Variants in COL8A1 observed in about 807,000 individuals in gnomAD.
COL8A1 encodes collagen alpha-1(VIII) chain.
A neutral mutation model predicts 42.7 loss-of-function variants in COL8A1; 21 were observed. The ratio of observed to expected loss-of-function variants is 0.49; its 90% CI spans 0.35 to 0.71. The LOEUF (loss-of-function observed/expected upper bound fraction) is 0.71. Ranked by LOEUF, COL8A1 falls within the 30% of genes least tolerant of loss-of-function variation. The pLI, the probability that COL8A1 is intolerant of heterozygous loss-of-function variation, is 0.01. For missense variants in COL8A1, 788 were observed against 962.4 expected (o/e 0.82, Z 2.40); for synonymous variants, 367 against 369.1 (o/e 0.99, Z 0.06).
intron 1 of COL8A1, among the ~76,000 whole-genome samples, chr3:99,740,461 A>G (rs1167371822): frequency 6.6e-6 from 1 of 152,184 alleles, no homozygotes; most frequent in African/African-American, 2.4e-5. Context: ...ACTTACCATC[A>G]TGGCGGAATG....
At chr3:99,732,338 T>G (rs1224666222) in intron 1 of COL8A1, among the ~76,000 whole-genome samples, 3 of 152,096 alleles carry the variant, frequency 2.0e-5, no homozygotes, top group Non-Finnish European at 4.4e-5. Flanking sequence ...TACCCAAGAC[T>G]TGGTAATTTA....
intron 1 of COL8A1, among the ~76,000 whole-genome samples, chr3:99,659,798 C>T (rs902542126): frequency 1.3e-5 from 2 of 152,124 alleles, no homozygotes; most frequent in African/African-American, 2.4e-5. Context: ...TGTTTATCTG[C>T]TATTATTTAT....
At chr3:99,712,525 G>T (rs1031022645) in intron 1 of COL8A1, among the ~76,000 whole-genome samples, 3 of 152,124 alleles carry the variant, frequency 2.0e-5, no homozygotes, top group South Asian at 2.1e-4. Flanking sequence ...GGCAGCTGAG[G>T]ATGCCTAACA....
intron 3 of COL8A1, among the ~76,000 whole-genome samples, 183 bp downstream of exon 3, chr3:99,791,193 A>G (rs1941993685): frequency 6.6e-6 from 1 of 152,234 alleles, no homozygotes; most frequent in Non-Finnish European, 1.5e-5. Flanking sequence ...CACAGATAAG[A>G]CTACCATTTA....
intron 2 of COL8A1, among the ~76,000 whole-genome samples, chr3:99,786,974 A>G (rs1453917786): frequency 6.6e-6 from 1 of 152,178 alleles, no homozygotes; most frequent in Non-Finnish European, 1.5e-5. Flanking sequence ...GGAGGCACAG[A>G]GGACCAGCCC....
At chr3:99,789,970 T>C (rs556424878) in intron 2 of COL8A1, among the ~76,000 whole-genome samples, 74 of 152,338 alleles carry the variant, frequency 4.9e-4, no homozygotes, top group African/African-American at 1.7e-3. Flanking sequence ...TTCTGCAGGC[T>C]TTGTTCCTGT....
At chr3:99,758,060 C>A (rs1213927646) in intron 2 of COL8A1, among the ~76,000 whole-genome samples, 1 of 152,118 alleles carries the variant, frequency 6.6e-6, no homozygotes, top group African/African-American at 2.4e-5. Context: ...TTGCATCAAG[C>A]TCATAGTAGA....
intron 1 of COL8A1, among the ~76,000 whole-genome samples, chr3:99,708,778 G>A (rs1317520683): frequency 2.6e-5 from 4 of 152,186 alleles, no homozygotes; most frequent in East Asian, 3.9e-4. Context: ...GCTTATAAAG[G>A]CATTTTCCAA....
At chr3:99,758,188 A>G (rs778234341) in intron 2 of COL8A1, among the ~76,000 whole-genome samples, 45 of 152,200 alleles carry the variant, frequency 3.0e-4, no homozygotes, top group Non-Finnish European at 5.1e-4. Context: ...ATCGGCTTAC[A>G]AGTAGAATGT....
intron 1 of COL8A1, among the ~76,000 whole-genome samples, chr3:99,712,697 G>A (rs1939874077): frequency 6.6e-6 from 1 of 152,072 alleles, no homozygotes; most frequent in Admixed American, 6.6e-5. Context: ...CTTAGTCTAA[G>A]GAAGAAATCC....
intron 1 of COL8A1, among the ~76,000 whole-genome samples, chr3:99,701,964 T>C (rs1239501718): frequency 6.6e-6 from 1 of 152,314 alleles, no homozygotes; most frequent in East Asian, 1.9e-4. Context: ...CATATTTTTG[T>C]TGTTCAGAAG....
At chr3:99,767,272 T>G (rs139641044) in intron 2 of COL8A1, among the ~76,000 whole-genome samples, 1 of 152,318 alleles carries the variant, frequency 6.6e-6, no homozygotes, top group African/African-American at 2.4e-5. Flanking sequence ...TTATTAATCT[T>G]AGAGCTCCTC....
chr3:99,661,705 A>G (rs1202421056), intron 1 of COL8A1, among the ~76,000 whole-genome samples: 2 of 152,242 alleles, frequency 1.3e-5, no homozygotes, highest in Non-Finnish European at 2.9e-5. Context: ...AGTAGCCAAA[A>G]GGTAGAAGCA....
chr3:99,662,820 A>G (rs961002866), intron 1 of COL8A1, among the ~76,000 whole-genome samples: 11 of 152,106 alleles, frequency 7.2e-5, no homozygotes, highest in Non-Finnish European at 2.9e-5. Context: ...CTCTGCCTTC[A>G]TCTTCACATG....
chr3:99,676,207 A>G (rs1938688267), intron 1 of COL8A1, among the ~76,000 whole-genome samples: 1 of 152,106 alleles, frequency 6.6e-6, no homozygotes, highest in South Asian at 2.1e-4. Flanking sequence ...TACAAAGAAA[A>G]CTCCACATCC....
At chr3:99,777,298 ACCTATAGAAG>A (rs1362277565) in intron 2 of COL8A1, among the ~76,000 whole-genome samples, 1 of 152,168 alleles carries the variant, frequency 6.6e-6, no homozygotes, top group African/African-American at 2.4e-5. Flanking sequence ...GAAGCCAGAA[ACCTATAGAAG>A]CTGAGTCACA....
At chr3:99,740,422 G>A (rs1271769372) in intron 1 of COL8A1, among the ~76,000 whole-genome samples, 1 of 152,232 alleles carries the variant, frequency 6.6e-6, no homozygotes, top group Non-Finnish European at 1.5e-5. Flanking sequence ...TTGACTCACA[G>A]TTCAGCATGG....
intron 1 of COL8A1, among the ~76,000 whole-genome samples, chr3:99,668,329 A>G (rs1002429999): frequency 1.3e-5 from 2 of 152,132 alleles, no homozygotes; most frequent in Non-Finnish European, 2.9e-5. Flanking sequence ...TTAAAAAATG[A>G]TTTCAATTTT....
In COL8A1 at chr3:99,716,238, C is replaced by T. The variant is rs79006955; in HGVS notation, c.-128-28659C>T. 1.0e-3 allele frequency among the ~76,000 whole-genome samples: 155 copies of T among 152,072 alleles called. 3 individuals carry two copies. In the East Asian group the frequency reaches 0.022, roughly 22 times the overall value. On this transcript the variant is annotated intron_variant, in intron 1 of 3. Coordinates refer to ENST00000652472, the MANE Select transcript of COL8A1 (RefSeq NM_020351.4). ...AATTATTTACTAAAACTTGTTGATGCATGAACATAACGCAAAAGATTCTCT... is the reference window on the plus strand; with the variant it reads ...AATTATTTACTAAAACTTGTTGATGTATGAACATAACGCAAAAGATTCTCT...
Sources: allele counts gnomAD v4.1 joint callset (sites outside exome capture counted in the v4.1 genomes callset), GRCh38; gene constraint gnomAD v4.1.1; transcripts MANE v1.5; gene names NCBI Gene and HGNC (gene_info 2026-07-23, HGNC 2026-07-21).